Variants in PARN observed in about 807,000 individuals in gnomAD.
The protein encoded by PARN is poly(A)-specific ribonuclease.
In PARN, 71 loss-of-function variants were observed where a neutral mutation model predicts 102.8. That is an observed-to-expected ratio of 0.69 (90% CI 0.57 to 0.84). The LOEUF (loss-of-function observed/expected upper bound fraction) is 0.84. PARN is among the 40% of genes least tolerant of loss of function. The pLI, the probability that PARN is intolerant of heterozygous loss-of-function variation, is 0.00. For synonymous variants in PARN, 261 were observed against 252.9 expected (o/e 1.03, Z -0.30); for missense variants, 782 against 760.9 (o/e 1.03, Z -0.33).
At chr16:14,516,399 A>G (rs557434968) in intron 21 of PARN, among the ~76,000 whole-genome samples, 4 of 152,212 alleles carry the variant, frequency 2.6e-5, no homozygotes, top group Non-Finnish European at 5.9e-5. Context: ...TACCGCATAC[A>G]TCTGCGAAAA....
chr16:14,448,586 C>A (rs944659716), intron 22 of PARN, among the ~76,000 whole-genome samples: 11 of 152,230 alleles, frequency 7.2e-5, no homozygotes, highest in Admixed American at 2.0e-4. Flanking sequence ...CCATGCCCAG[C>A]CAGGAAGTGA....
At chr16:14,528,672 G>A (rs1251088987) in intron 21 of PARN, among the ~76,000 whole-genome samples, 5 of 152,138 alleles carry the variant, frequency 3.3e-5, no homozygotes, top group Non-Finnish European at 5.9e-5. Context: ...ACTATGTCGA[G>A]AACTTTACCT....
chr16:14,435,939 C>CACAG lies in PARN; in HGVS notation c.*777_*778insCTGT, dbSNP rs1960670139. 1 of 146,090 alleles carries CACAG rather than the reference C, an allele frequency of 6.8e-6. No homozygotes were observed. 9.0% of individuals were successfully genotyped at this position (146,090 alleles called of 1,614,324 possible). On this transcript the variant is annotated 3_prime_UTR_variant, in exon 24 of 24. Coordinates refer to ENST00000437198, the MANE Select transcript of PARN (RefSeq NM_002582.4). ...ACACACACACACACACACACACACACACACAGACACGTACGCACACACGCT... is the reference window on the plus strand; with the variant it reads ...ACACACACACACACACACACACACACACAGACACAGACACGTACGCACACACGCT...
chr16:14,625,198 CA>C (rs912651892), intron 5 of PARN, among the ~76,000 whole-genome samples: 9 of 143,170 alleles, frequency 6.3e-5, no homozygotes, highest in South Asian at 2.2e-4. Flanking sequence ...GAAAATTTAC[CA>C]AAAAAAAAAC....
intron 21 of PARN, among the ~76,000 whole-genome samples, chr16:14,512,227 C>A (rs761885828): frequency 9.2e-5 from 14 of 152,138 alleles, no homozygotes; most frequent in African/African-American, 3.4e-4. Flanking sequence ...CCTGGCCGGG[C>A]GTGGTAGTTC....
chr16:14,489,456 A>C (rs1963941343), intron 21 of PARN, among the ~76,000 whole-genome samples: 1 of 151,556 alleles, frequency 6.6e-6, no homozygotes, highest in South Asian at 2.1e-4. Context: ...AAAAAAAAAA[A>C]AAAAAATTCT....
chr16:14,604,204 C>A lies in PARN; in HGVS notation c.725G>T (p.Ser242Ile), dbSNP rs570072983. 1 of 1,595,456 alleles carries A rather than the reference C, an allele frequency of 6.3e-7. No individual in the cohort carries two copies. Among genetic ancestry groups the A allele is most frequent in the African/African-American group, 1.3e-5 (1 of 74,856 alleles). The change falls in exon 11 of 24, where the codon AGC (serine) becomes ATC (isoleucine). Residue 242 changes from serine (S) to isoleucine (I), a missense_variant. Transcript: ENST00000437198. ...TEKKERYIVI[S>I]KVDEEERKRR... ...TTTGCGTTCTTCTTCATCTACTTTG[C>A]TGATAACTATATATCGCTCCTTCTA...
At chr16:14,530,168 T>C (rs529831187) in intron 21 of PARN, among the ~76,000 whole-genome samples, 1 of 152,290 alleles carries the variant, frequency 6.6e-6, no homozygotes, top group South Asian at 2.1e-4. Flanking sequence ...AATCACGACA[T>C]CCTTCTCTTG....
At chr16:14,509,427 A>G (rs1455813687) in intron 21 of PARN, among the ~76,000 whole-genome samples, 5 of 152,188 alleles carry the variant, frequency 3.3e-5, no homozygotes, top group African/African-American at 1.2e-4. Context: ...TTACTGCATG[A>G]TTATTTAGTG....
chr16:14,606,442 TG>T, intron 10 of PARN, 41 bp downstream of exon 10: 1 of 1,132,452 alleles, frequency 8.8e-7, no homozygotes, highest in Non-Finnish European at 1.3e-6. Context: ...AGTGTAACAA[TG>T]GATGTGTTTA....
intron 22 of PARN, among the ~76,000 whole-genome samples, chr16:14,463,028 G>C (rs1387009684): frequency 6.6e-6 from 1 of 152,136 alleles, no homozygotes; most frequent in Admixed American, 6.5e-5. Flanking sequence ...GCACATAATG[G>C]GTGAGCAATT....
At chr16:14,497,767 G>A (rs1454687831) in intron 21 of PARN, among the ~76,000 whole-genome samples, 2 of 150,314 alleles carry the variant, frequency 1.3e-5, no homozygotes, top group African/African-American at 5.0e-5. Flanking sequence ...ATTAAGGGCT[G>A]CACTATTTAC....
intron 18 of PARN, among the ~76,000 whole-genome samples, chr16:14,573,276 G>A (rs1170340289): frequency 6.6e-6 from 1 of 152,074 alleles, no homozygotes; most frequent in Non-Finnish European, 1.5e-5. Flanking sequence ...GGCTAAATTA[G>A]ACTAACATAT....
intron 11 of PARN, among the ~76,000 whole-genome samples, chr16:14,602,631 G>C (rs920618695): frequency 1.3e-5 from 2 of 152,102 alleles, no homozygotes; most frequent in Non-Finnish European, 2.9e-5. Flanking sequence ...GCTAATCTGC[G>C]TCTTGGCCAC....
rs143681670 is a variant in PARN at position 14,512,952 on chromosome 16, C to G, written c.1481-30125G>C. The stretch of plus-strand genomic sequence containing the variant: ...TATCATTATTTTTGAGATGGAGTCT[C>G]GCTCTGTCACCCAAACTGGAGTGCA... On this transcript the variant is annotated intron_variant, in intron 21 of 23. Coordinates refer to ENST00000437198, the MANE Select transcript of PARN (RefSeq NM_002582.4). Among the ~76,000 whole-genome samples the G allele has an allele frequency of 2.0e-4, 30 of 152,256 alleles. No homozygotes were observed. The East Asian group carries it at 3.5e-3, about 18-fold the overall frequency.
At chr16:14,515,324 T>C (rs534390228) in intron 21 of PARN, among the ~76,000 whole-genome samples, 18 of 152,236 alleles carry the variant, frequency 1.2e-4, no homozygotes, top group Non-Finnish European at 2.4e-4. Context: ...GAATTCCACC[T>C]CAGGTAGCAA....
chr16:14,559,409 G>GTT (rs536099461), intron 18 of PARN, among the ~76,000 whole-genome samples: 1 of 142,960 alleles, frequency 7.0e-6, no homozygotes, highest in African/African-American at 2.6e-5. Flanking sequence ...CAAAAGATTT[G>GTT]TTTTTTTTTT....
At position 14,630,177 on chromosome 16, in the gene PARN, C is replaced by A. The variant is rs960048551; in HGVS notation, c.-52G>T. ...CCACCCGGGCCCGCGCCCGCCTCAG[C>A]GGTTCTACTCGCCGAATTCCGCGGC... On this transcript the variant is annotated 5_prime_UTR_variant, in exon 1 of 24. Transcript: ENST00000437198. The A allele has an allele frequency of 5.3e-6, 8 of 1,504,302 alleles. No homozygotes were observed. The highest frequency in any genetic ancestry group is 5.0e-5 in the East Asian group (2 of 39,966). The allele number at this position is 1,504,302 out of a possible 1,614,324, so 93.2% of individuals were successfully genotyped here. A position where few individuals can be genotyped will look rare whatever the true frequency, so the allele number is the denominator to read the frequency against.
chr16:14,504,759 C>T (rs1387363239), intron 21 of PARN, among the ~76,000 whole-genome samples: 1 of 152,118 alleles, frequency 6.6e-6, no homozygotes, highest in African/African-American at 2.4e-5. Flanking sequence ...TTGCTGATCA[C>T]CTATTTTAAG....
Sources: gnomAD v4.1 joint callset for allele counts (sites outside exome capture counted in the v4.1 genomes callset) on GRCh38, gnomAD v4.1.1 for gene constraint, MANE v1.5 for transcripts, NCBI Gene and HGNC (gene_info 2026-07-23, HGNC 2026-07-21) for gene names.